Variants in PDE4D observed in about 807,000 individuals in gnomAD.
PDE4D encodes the protein phosphodiesterase 4D.
Under a neutral mutation model 87.4 loss-of-function variants are expected in PDE4D, and 24 were observed. The observed-to-expected ratio is 0.27, with a 90% CI of 0.20 to 0.39. The LOEUF is 0.39. PDE4D is among the 10% of genes least tolerant of loss of function. The pLI, the probability that PDE4D is intolerant of heterozygous loss-of-function variation, is 1.00. For synonymous variants in PDE4D, 384 were observed against 383.2 expected, an observed-to-expected ratio of 1.00 and a Z score of -0.02; for missense variants, 714 against 1,041.0, an observed-to-expected ratio of 0.69 and a Z score of 4.32.
At chr5:60,321,950 C>T (rs1210507087) in intron 1 of PDE4D, among the ~76,000 whole-genome samples, 4 of 151,782 alleles carry the variant, frequency 2.6e-5, no homozygotes, top group African/African-American at 9.7e-5. Flanking sequence ...TTACACACTG[C>T]TTGTGAGAAT....
intron 1 of PDE4D, among the ~76,000 whole-genome samples, chr5:59,860,320 A>G (rs879884574): frequency 6.6e-6 from 1 of 152,206 alleles, no homozygotes; most frequent in Non-Finnish European, 1.5e-5. Flanking sequence ...TATCTTCATG[A>G]AAATGATGCC....
intron 1 of PDE4D, among the ~76,000 whole-genome samples, chr5:60,497,930 T>C (rs1749893882): frequency 6.6e-6 from 1 of 152,182 alleles, no homozygotes; most frequent in Non-Finnish European, 1.5e-5. Context: ...ATAACATATG[T>C]TCCAAGAAGG....
chr5:60,100,444 AGAAAG>A (rs1776103681), intron 2 of PDE4D, among the ~76,000 whole-genome samples: 1 of 152,052 alleles, frequency 6.6e-6, no homozygotes, highest in African/African-American at 2.4e-5. Context: ...AAAGAGAAGA[AGAAAG>A]GAAGGAGGGG....
intron 1 of PDE4D, among the ~76,000 whole-genome samples, chr5:59,364,548 A>C (rs1782739414): frequency 6.6e-6 from 1 of 152,196 alleles, no homozygotes; most frequent in South Asian, 2.1e-4. Context: ...GGTGAGTCTT[A>C]AGGGATTGAA....
At chr5:59,011,125 C>G (rs1752714759) in intron 6 of PDE4D, among the ~76,000 whole-genome samples, 1 of 152,068 alleles carries the variant, frequency 6.6e-6, no homozygotes, top group Admixed American at 6.6e-5. Flanking sequence ...GCATCCACAC[C>G]AAAACCCCAT....
At chr5:60,389,548 G>C (rs1561197900) in intron 1 of PDE4D, among the ~76,000 whole-genome samples, 1 of 152,106 alleles carries the variant, frequency 6.6e-6, no homozygotes, top group South Asian at 2.1e-4. Flanking sequence ...TAACAACAGT[G>C]ATTTCATTTT....
Position 59,200,707 on chromosome 5 carries a change from ACACGTATACATACATATGTGTATG to A in PDE4D, c.648-7195_648-7172del, listed in dbSNP as rs1747103131. 1.5e-5 allele frequency among the ~76,000 whole-genome samples: 2 copies of A among 129,670 alleles called. 1 individual carries two copies. Among genetic ancestry groups the A allele is most frequent in the African/African-American group, 7.2e-5 (2 of 27,848 alleles). 85.1% of individuals were successfully genotyped at this position (129,670 alleles called of 152,430 possible). On this transcript the variant is annotated intron_variant, in intron 2 of 14. Coordinates refer to ENST00000340635, the MANE Select transcript of PDE4D (RefSeq NM_001104631.2). ...TACATACATATGTGTATGTATAGAT[ACACGTATACATACATATGTGTATG>A]TATATATATACATACACACATATGA...
intron 1 of PDE4D, among the ~76,000 whole-genome samples, chr5:60,429,599 G>T (rs1744019698): frequency 6.6e-6 from 1 of 152,100 alleles, no homozygotes. Flanking sequence ...GTTGGCTGTG[G>T]GTTTTGTTGT....
intron 1 of PDE4D, among the ~76,000 whole-genome samples, chr5:59,749,184 T>C (rs1760068940): frequency 6.6e-6 from 1 of 152,236 alleles, no homozygotes. Context: ...ATGTTGCCAA[T>C]GCAATGATCA....
intron 2 of PDE4D, among the ~76,000 whole-genome samples, chr5:60,169,333 C>T (rs1460675424): frequency 4.6e-5 from 7 of 152,052 alleles, no homozygotes; most frequent in Non-Finnish European, 1.0e-4. Flanking sequence ...TTTTACAACA[C>T]AAAAGATGTA....
chr5:59,669,525 C>T (rs1370657093), intron 1 of PDE4D, among the ~76,000 whole-genome samples: 1 of 152,188 alleles, frequency 6.6e-6, no homozygotes, highest in Non-Finnish European at 1.5e-5. Context: ...CTGAAGTTAA[C>T]TAGCTGCCCC....
intron 1 of PDE4D, among the ~76,000 whole-genome samples, chr5:59,643,914 C>T (rs1742018868): frequency 6.6e-6 from 1 of 152,180 alleles, no homozygotes; most frequent in African/African-American, 2.4e-5. Context: ...GGTCTGCCCC[C>T]TCCCTCAATA....
intron 3 of PDE4D, among the ~76,000 whole-genome samples, chr5:59,984,954 G>T (rs1762269764): frequency 6.6e-6 from 1 of 151,908 alleles, no homozygotes; most frequent in African/African-American, 2.4e-5. Flanking sequence ...GTATAGGTTG[G>T]CAATGGGACT....
chr5:59,172,697 G>C (rs1288626566), intron 5 of PDE4D: 1 of 151,218 alleles, frequency 6.6e-6, no homozygotes, highest in Non-Finnish European at 1.5e-5. Flanking sequence ...AACAGAGTGA[G>C]GCCCTATTTC....
intron 1 of PDE4D, among the ~76,000 whole-genome samples, chr5:60,201,284 C>G (rs1741876686): frequency 6.8e-6 from 1 of 147,132 alleles, no homozygotes; most frequent in African/African-American, 2.5e-5. Flanking sequence ...CAAGGTTTTC[C>G]TATATACCAA....
At chr5:60,347,718 A>G (rs756172703) in intron 1 of PDE4D, among the ~76,000 whole-genome samples, 1 of 152,184 alleles carries the variant, frequency 6.6e-6, no homozygotes, top group Non-Finnish European at 1.5e-5. Context: ...GCCAGCTGCT[A>G]TCCCGATAGC....
At chr5:59,194,521 T>C (rs1237469758) in intron 2 of PDE4D, among the ~76,000 whole-genome samples, 1 of 152,116 alleles carries the variant, frequency 6.6e-6, no homozygotes, top group Non-Finnish European at 1.5e-5. Context: ...TGTTACTCAA[T>C]AAATTGTTAC....
intron 1 of PDE4D, among the ~76,000 whole-genome samples, chr5:60,232,780 G>T (rs917072403): frequency 6.6e-6 from 1 of 151,784 alleles, no homozygotes; most frequent in East Asian, 1.9e-4. Context: ...GTGCTCTATG[G>T]AGCTAAAATA....
At chr5:59,271,691 A>T (rs576649658) in intron 1 of PDE4D, among the ~76,000 whole-genome samples, 1 of 152,248 alleles carries the variant, frequency 6.6e-6, no homozygotes, top group African/African-American at 2.4e-5. Flanking sequence ...GTATCCAACC[A>T]GTACTGAAAT....
Sources: allele counts gnomAD v4.1 joint callset (sites outside exome capture counted in the v4.1 genomes callset), GRCh38; gene constraint gnomAD v4.1.1; transcripts MANE v1.5; gene names NCBI Gene and HGNC (gene_info 2026-07-23, HGNC 2026-07-21).